Variants in RSF1 observed in about 807,000 individuals in gnomAD.
RSF1 encodes the protein HBV pX-associated protein 8.
In RSF1, 13 loss-of-function variants were observed where a neutral mutation model predicts 145.2. The ratio of observed to expected loss-of-function variants is 0.09; its 90% CI spans 0.06 to 0.14. The LOEUF (loss-of-function observed/expected upper bound fraction) is 0.14. Among genes scored for constraint, RSF1 ranks in the 10% least tolerant of loss-of-function variants. The pLI, the probability that RSF1 is intolerant of heterozygous loss-of-function variation, is 1.00. For missense variants in RSF1, 1,517 were observed against 1,718.2 expected, an observed-to-expected ratio of 0.88 and a Z score of 2.07; for synonymous variants, 577 against 592.6, an observed-to-expected ratio of 0.97 and a Z score of 0.38.
At chr11:77,812,608 G>A (rs1445182152) in intron 1 of RSF1, among the ~76,000 whole-genome samples, 1 of 152,118 alleles carries the variant, frequency 6.6e-6, no homozygotes, top group Non-Finnish European at 1.5e-5. Context: ...AGTTTGGGCT[G>A]GATGTGGTGG....
At chr11:77,836,123 A>G in the RSF1 span, among the ~76,000 whole-genome samples, 1 of 152,176 alleles carries the variant, frequency 6.6e-6, no homozygotes, top group Non-Finnish European at 1.5e-5. Flanking sequence ...TAGGTTCCCA[A>G]TAAATATTCC....
intron 4 of RSF1, among the ~76,000 whole-genome samples, chr11:77,738,338 C>A (rs1297522952): frequency 1.3e-5 from 2 of 151,930 alleles, no homozygotes; most frequent in South Asian, 2.1e-4. Context: ...ATCCACAGAT[C>A]AAAATATTTA....
chr11:77,702,700 A>C (rs1389023972), intron 5 of RSF1: 2 of 368,938 alleles, frequency 5.4e-6, no homozygotes, highest in Admixed American at 4.5e-5. Context: ...TATTAAAAAA[A>C]ATTTAGAAAA....
At chr11:77,752,345 G>A (rs1475758461) in intron 2 of RSF1, among the ~76,000 whole-genome samples, 1 of 152,192 alleles carries the variant, frequency 6.6e-6, no homozygotes, top group Non-Finnish European at 1.5e-5. Flanking sequence ...AAGAAAGAAA[G>A]GGGGAACATG....
chr11:77,716,552 T>A (rs1275525632), intron 5 of RSF1, among the ~76,000 whole-genome samples: 1 of 152,202 alleles, frequency 6.6e-6, no homozygotes, highest in East Asian at 1.9e-4. Flanking sequence ...CTCACTTACA[T>A]GTGGAATCTT....
chr11:77,763,773 G>C (rs1221048589), intron 2 of RSF1: 1 of 152,118 alleles, frequency 6.6e-6, no homozygotes, highest in African/African-American at 2.4e-5. Context: ...CAAACTGGTG[G>C]GAAGGTACTC....
the RSF1 span, among the ~76,000 whole-genome samples, chr11:77,833,539 C>A: frequency 5.3e-5 from 8 of 152,140 alleles, no homozygotes; most frequent in African/African-American, 1.9e-4. Flanking sequence ...GACAAAGTAT[C>A]GCTCACTCAC....
intron 8 of RSF1, 136 bp from the exon 9 acceptor site, chr11:77,691,374 T>C (rs1544274): frequency 0.13 from 85,502 of 665,672 alleles, 6,266 homozygotes; most frequent in Admixed American, 0.22. Flanking sequence ...GAAGCTTTTC[T>C]TGTGTTTAAT....
At chr11:77,686,493 C>T (rs923715769) in intron 9 of RSF1, among the ~76,000 whole-genome samples, 2 of 150,142 alleles carry the variant, frequency 1.3e-5, no homozygotes, top group African/African-American at 2.4e-5. Context: ...TCTGACATGC[C>T]TCTGTATGTT....
chr11:77,693,559 G>A lies in RSF1; in HGVS notation c.2768C>T (p.Pro923Leu). Residue 923 changes from proline (P) to leucine (L), a missense_variant, in exon 8 of 16, where the codon CCT becomes CTT. This residue lies in a region of RSF1 where 29 missense variants were observed against 102.3 expected (regional missense o/e 0.28). Transcript: ENST00000308488. ...DSGYHTACLRPPLMIIPDGEW... is the reference protein window; with the variant it reads ...DSGYHTACLRLPLMIIPDGEW... ...TCCATCTGGGATGATCATCAGAGGA[G>A]GGCGAAGGCAGGCAGTATGGTATCC... 1 of 1,614,052 alleles carries A rather than the reference G, an allele frequency of 6.2e-7. No individual in the cohort carries two copies.
At chr11:77,671,477 GA>G (rs980267847) in intron 15 of RSF1, among the ~76,000 whole-genome samples, 1 of 151,732 alleles carries the variant, frequency 6.6e-6, no homozygotes, top group African/African-American at 2.4e-5. Context: ...GAATAATCTT[GA>G]TCAGATCACA....
At chr11:77,861,435 A>C in the RSF1 span, among the ~76,000 whole-genome samples, 5 of 152,318 alleles carry the variant, frequency 3.3e-5, no homozygotes, top group East Asian at 9.6e-4. Context: ...GCCAGTGTCC[A>C]AGAGACAGTT....
At chr11:77,852,132 C>T in the RSF1 span, among the ~76,000 whole-genome samples, 7 of 142,948 alleles carry the variant, frequency 4.9e-5, no homozygotes, top group Admixed American at 2.2e-4. Context: ...TTTGGGAGGA[C>T]GAGGGACGAG....
chr11:77,705,678 G>A (rs1448068866), intron 5 of RSF1, among the ~76,000 whole-genome samples: 3 of 152,166 alleles, frequency 2.0e-5, no homozygotes, highest in African/African-American at 4.8e-5. Context: ...GGAGTCAGCT[G>A]ACTGGTGCCT....
At chr11:77,699,869 A>C (rs1488175793) in intron 6 of RSF1, among the ~76,000 whole-genome samples, 1 of 152,236 alleles carries the variant, frequency 6.6e-6, no homozygotes, top group Non-Finnish European at 1.5e-5. Context: ...GTGAGTGGTT[A>C]AATAAACTGA....
the RSF1 span, among the ~76,000 whole-genome samples, chr11:77,871,961 G>C: frequency 6.6e-6 from 1 of 152,182 alleles, no homozygotes; most frequent in African/African-American, 2.4e-5. Context: ...CATTTCACTT[G>C]AGCTTTATGC....
At chr11:77,804,683 A>T (rs7110844) in intron 1 of RSF1, among the ~76,000 whole-genome samples, 27,064 of 151,878 alleles carry the variant, frequency 0.18, 3,038 homozygotes, top group African/African-American at 0.3. Flanking sequence ...GAAAAAAAAA[A>T]TTAGCTGAGT....
intron 9 of RSF1, among the ~76,000 whole-genome samples, chr11:77,687,315 C>G (rs747723902): frequency 4.0e-4 from 61 of 152,278 alleles, no homozygotes; most frequent in Admixed American, 2.0e-4. Flanking sequence ...GTAACAGTAA[C>G]TTTCCTTTCT....
chr11:77,769,476 TA>T (rs1391355972), intron 1 of RSF1, among the ~76,000 whole-genome samples: 25 of 152,334 alleles, frequency 1.6e-4, no homozygotes, highest in African/African-American at 6.0e-4. Context: ...TTTCACATGA[TA>T]AATTTCATAA....
Sources: allele counts gnomAD v4.1 joint callset (sites outside exome capture counted in the v4.1 genomes callset), GRCh38; gene constraint gnomAD v4.1.1; regional missense constraint gnomAD v4.1.1; transcripts MANE v1.5; gene names NCBI Gene and HGNC (gene_info 2026-07-23, HGNC 2026-07-21).